The following SCAMP1 variants were observed in gnomAD, a reference collection of about 807,000 sequenced individuals.
SCAMP1 encodes the protein secretory carrier membrane protein 1, also known as secretory carrier-associated membrane protein 1.
SCAMP1 carries 15 observed loss-of-function variants against 41.8 expected under a neutral mutation model. The observed-to-expected ratio is 0.36, with a 90% CI of 0.24 to 0.55. SCAMP1 has a LOEUF of 0.55. Ranked by LOEUF, SCAMP1 falls within the 20% of genes least tolerant of loss-of-function variation. The probability of loss-of-function intolerance (pLI) is 0.86; values close to 1 mark genes in which losing one functional copy is unlikely to be tolerated. For missense variants in SCAMP1, 341 were observed against 412.6 expected (o/e 0.83, Z 1.50); for synonymous variants, 135 against 136.8 (o/e 0.99, Z 0.09).
At chr5:78,464,418 A>G (rs10942857) in intron 8 of SCAMP1, among the ~76,000 whole-genome samples, 124,317 of 152,184 alleles carry the variant, frequency 0.82, 51,430 homozygotes, top group East Asian at 0.92. Context: ...GCCACCACGC[A>G]CAGCCACTTC....
rs1327850172 is a variant in SCAMP1 at position 78,477,722 on chromosome 5, G to A, written c.*2054G>A. The A allele has an allele frequency of 6.6e-6, 1 of 152,130 alleles. No individual in the cohort carries two copies. The highest frequency in any genetic ancestry group is 1.5e-5 in the Non-Finnish European group (1 of 67,970). 9.4% of individuals were successfully genotyped at this position (152,130 alleles called of 1,614,324 possible). ...ACATATCTTTTTTTGTGTGGATGGG[G>A]AAAATGTTTTAAAATCCAGTTATTT... is the stretch of plus-strand genomic sequence containing the variant. On this transcript the variant is annotated 3_prime_UTR_variant, in exon 9 of 9. Coordinates refer to ENST00000621999, the MANE Select transcript of SCAMP1 (RefSeq NM_004866.6).
intron 1 of SCAMP1, among the ~76,000 whole-genome samples, chr5:78,378,032 T>A (rs1471986629): frequency 6.6e-6 from 1 of 152,192 alleles, no homozygotes; most frequent in Non-Finnish European, 1.5e-5. Context: ...ATTTTGAAGA[T>A]GAGAAAATCG....
intron 6 of SCAMP1, among the ~76,000 whole-genome samples, chr5:78,444,169 G>C (rs1343552097): frequency 1.3e-5 from 2 of 152,176 alleles, no homozygotes; most frequent in Admixed American, 6.5e-5. Flanking sequence ...GGTTTAGACA[G>C]TTTTGGAGCC....
At chr5:78,469,925 AAAAAAAACAAC>A (rs1426227804) in intron 8 of SCAMP1, among the ~76,000 whole-genome samples, 871 of 20,404 alleles carry the variant, frequency 0.043, 43 homozygotes, top group African/African-American at 0.18. Context: ...AAAAAAAAAA[AAAAAAAACAAC>A]AACACAGCCC....
At chr5:78,404,115 CAA>C (rs34209617) in intron 2 of SCAMP1, among the ~76,000 whole-genome samples, 90,578 of 124,622 alleles carry the variant, frequency 0.73, 32,526 homozygotes, top group African/African-American at 0.78. Flanking sequence ...GACCCTGTCT[CAA>C]AAAAAAAAAA....
chr5:78,390,500 G>C (rs1444518880), intron 2 of SCAMP1, among the ~76,000 whole-genome samples: 1 of 152,110 alleles, frequency 6.6e-6, no homozygotes, highest in Non-Finnish European at 1.5e-5. Context: ...ATATGTGAGA[G>C]TGCAATTTGG....
chr5:78,399,375 A>C (rs1233036712), intron 2 of SCAMP1, among the ~76,000 whole-genome samples: 3 of 152,214 alleles, frequency 2.0e-5, no homozygotes, highest in Non-Finnish European at 4.4e-5. Flanking sequence ...CAGTATGTTT[A>C]GTTTTGTAAG....
intron 2 of SCAMP1, among the ~76,000 whole-genome samples, chr5:78,393,925 TA>T (rs1751581217): frequency 6.6e-6 from 1 of 152,158 alleles, no homozygotes; most frequent in South Asian, 2.1e-4. Flanking sequence ...GTATTGAAGG[TA>T]AGGGATAGGG....
Position 78,475,494 on chromosome 5 carries a change from G to T in SCAMP1, c.853-10G>T, listed in dbSNP as rs1158790092. 1.9e-6 allele frequency: 3 copies of T among 1,550,750 alleles called. No individual in the cohort carries two copies. Among genetic ancestry groups the T allele is most frequent in the Admixed American group, 2.2e-5 (1 of 46,108 alleles). On this transcript the variant is annotated splice_polypyrimidine_tract_variant and intron_variant, in intron 8 of 8. Coordinates refer to ENST00000621999, the MANE Select transcript of SCAMP1 (RefSeq NM_004866.6). ...TACTTACCTTCTCCCACTTTTTTGTGCCTCTGTAGGTACATGGACTATATC... is the reference window on the plus strand; with the variant it reads ...TACTTACCTTCTCCCACTTTTTTGTTCCTCTGTAGGTACATGGACTATATC...
chr5:78,398,478 C>T (rs1461687382), intron 2 of SCAMP1, among the ~76,000 whole-genome samples: 1 of 149,078 alleles, frequency 6.7e-6, no homozygotes, highest in Non-Finnish European at 1.5e-5. Flanking sequence ...AATCTTCCCA[C>T]CTTGGCCTCC....
At chr5:78,400,305 T>A (rs1013791964) in intron 2 of SCAMP1, among the ~76,000 whole-genome samples, 1 of 152,240 alleles carries the variant, frequency 6.6e-6, no homozygotes, top group Non-Finnish European at 1.5e-5. Flanking sequence ...AGTGTCAATC[T>A]TCCAACTTTA....
chr5:78,402,965 G>A (rs754762155), intron 2 of SCAMP1, among the ~76,000 whole-genome samples: 73 of 152,196 alleles, frequency 4.8e-4, no homozygotes, highest in Non-Finnish European at 9.7e-4. Flanking sequence ...TGCAACCTCC[G>A]CCTTCCAGGT....
In SCAMP1 at chr5:78,464,231, A is replaced by C. The variant is rs138263662; in HGVS notation, c.852+4869A>C. ...TGATCTCTGCTCACTGCAGCCTCCA[A>C]CTCCCTGGTTCAAGCAGTTCTCCTG... On this transcript the variant is annotated intron_variant, in intron 8 of 8. Coordinates refer to ENST00000621999, the MANE Select transcript of SCAMP1 (RefSeq NM_004866.6). 2.1e-3 allele frequency among the ~76,000 whole-genome samples: 321 copies of C among 151,002 alleles called. 1 individual carries two copies. Among genetic ancestry groups the C allele is most frequent in the African/African-American group, 7.6e-3 (312 of 41,068 alleles).
intron 1 of SCAMP1, among the ~76,000 whole-genome samples, chr5:78,362,167 G>A (rs1025661290): frequency 6.6e-6 from 1 of 152,038 alleles, no homozygotes; most frequent in African/African-American, 2.4e-5. Context: ...GTTCTTAAAT[G>A]GTAGACTTTC....
intron 1 of SCAMP1, among the ~76,000 whole-genome samples, chr5:78,387,097 G>T (rs1561255090): frequency 2.0e-5 from 3 of 152,030 alleles, no homozygotes; most frequent in Non-Finnish European, 4.4e-5. Flanking sequence ...ATTATTCTTA[G>T]GTTTGGTTGT....
intron 2 of SCAMP1, among the ~76,000 whole-genome samples, chr5:78,404,685 T>TC (rs151310572): frequency 1.3e-5 from 2 of 152,244 alleles, no homozygotes; most frequent in East Asian, 3.9e-4. Flanking sequence ...GTATTTCCCT[T>TC]CCCCCAGGTG....
intron 7 of SCAMP1, among the ~76,000 whole-genome samples, chr5:78,454,896 C>G (rs1427049992): frequency 6.6e-6 from 1 of 152,142 alleles, no homozygotes; most frequent in Non-Finnish European, 1.5e-5. Flanking sequence ...TCAACTTCTT[C>G]CTGGTTTAGT....
At chr5:78,423,848 C>CT (rs5868920) in intron 6 of SCAMP1, among the ~76,000 whole-genome samples, 105,303 of 146,608 alleles carry the variant, frequency 0.72, 38,017 homozygotes, top group South Asian at 0.76. Flanking sequence ...GAGAGGAATA[C>CT]TTTTTTTTTT....
rs181512449 is a variant in SCAMP1 at position 78,457,859 on chromosome 5, C to T, written c.735-1386C>T. The T allele has an allele frequency of 2.3e-3, 351 of 155,772 alleles. 7 individuals are homozygous for T. The East Asian group carries it at 0.04, about 18-fold the overall frequency. 9.6% of individuals were successfully genotyped at this position (155,772 alleles called of 1,614,324 possible). Reference sequence around the variant, plus strand: ...GAGACTCCGTGGGCGTAGGACCCTCCGAGCCAGGTGCAGGATATAATCTCG... The same window carrying T: ...GAGACTCCGTGGGCGTAGGACCCTCTGAGCCAGGTGCAGGATATAATCTCG... On this transcript the variant is annotated intron_variant, in intron 7 of 8. Transcript: ENST00000621999.
Sources: allele counts gnomAD v4.1 joint callset (sites outside exome capture counted in the v4.1 genomes callset), GRCh38; gene constraint gnomAD v4.1.1; transcripts MANE v1.5; gene names NCBI Gene and HGNC (gene_info 2026-07-23, HGNC 2026-07-21).